The following LDB2 variants were observed in gnomAD, a reference collection of about 807,000 sequenced individuals.
LDB2 encodes LIM domain-binding protein 2.
In LDB2, 12 loss-of-function variants were observed where a neutral mutation model predicts 44.3. That is an observed-to-expected ratio of 0.27 (90% CI 0.17 to 0.44). The LOEUF (loss-of-function observed/expected upper bound fraction) is 0.44. LDB2 is among the 20% of genes least tolerant of loss of function. LDB2 has a pLI of 1.00. For missense variants in LDB2, 344 were observed against 473.5 expected (o/e 0.73, Z 2.54); for synonymous variants, 164 against 174.8 (o/e 0.94, Z 0.49).
At chr4:16,874,608 T>C (rs1221999945) in intron 1 of LDB2, among the ~76,000 whole-genome samples, 2 of 152,228 alleles carry the variant, frequency 1.3e-5, no homozygotes, top group African/African-American at 2.4e-5. Context: ...CAAGATTCGC[T>C]ACATTCCTGA....
intron 1 of LDB2, among the ~76,000 whole-genome samples, chr4:16,805,458 T>C (rs764186811): frequency 1.3e-5 from 2 of 152,164 alleles, no homozygotes; most frequent in African/African-American, 4.8e-5. Flanking sequence ...TTTAGAAATG[T>C]TGTCAAATGC....
intron 5 of LDB2, among the ~76,000 whole-genome samples, chr4:16,581,605 C>A (rs974720998): frequency 6.6e-6 from 1 of 152,134 alleles, no homozygotes; most frequent in African/African-American, 2.4e-5. Context: ...CTCACAGTGA[C>A]CCTCTCTTTG....
intron 5 of LDB2, among the ~76,000 whole-genome samples, chr4:16,571,862 T>C (rs1209636295): frequency 6.6e-6 from 1 of 152,236 alleles, no homozygotes; most frequent in Admixed American, 6.5e-5. Context: ...AAATTCATTA[T>C]CTAGATCAAG....
chr4:16,628,344 C>T (rs570662655), intron 2 of LDB2, among the ~76,000 whole-genome samples: 18 of 152,230 alleles, frequency 1.2e-4, no homozygotes, highest in African/African-American at 4.3e-4. Flanking sequence ...TTCCCAAAAC[C>T]CAAGATGTTG....
Position 16,586,021 on chromosome 4 carries a change from A to AC in LDB2, c.532-17dup. On this transcript the variant is annotated splice_polypyrimidine_tract_variant and intron_variant, in intron 4 of 7. Coordinates refer to ENST00000304523, the MANE Select transcript of LDB2 (RefSeq NM_001290.5). Reference sequence around the variant, plus strand: ...GATCTTGTGCCTAAATGGAAAAAAAACCCCACATGTATTTTATCACTACAG... The same window carrying AC: ...GATCTTGTGCCTAAATGGAAAAAAAACCCCCACATGTATTTTATCACTACAG... 6.2e-7 allele frequency: 1 copy of AC among 1,601,508 alleles called. No individual in the cohort carries two copies. Among genetic ancestry groups the AC allele is most frequent in the Non-Finnish European group, 8.6e-7 (1 of 1,168,764 alleles).
chr4:16,638,087 G>A (rs1049444114), intron 2 of LDB2, among the ~76,000 whole-genome samples: 2 of 152,200 alleles, frequency 1.3e-5, no homozygotes, highest in African/African-American at 4.8e-5. Context: ...ATGCTTACTA[G>A]AGTAGTCCCT....
At chr4:16,724,989 G>A (rs1387812565) in intron 2 of LDB2, among the ~76,000 whole-genome samples, 1 of 152,112 alleles carries the variant, frequency 6.6e-6, no homozygotes, top group Non-Finnish European at 1.5e-5. Flanking sequence ...GTCATTGGTA[G>A]AAACAGGAAA....
chr4:16,767,355 T>TTA (rs1769568301), intron 1 of LDB2, among the ~76,000 whole-genome samples: 1 of 152,136 alleles, frequency 6.6e-6, no homozygotes, highest in African/African-American at 2.4e-5. Context: ...AAAAGGAGGA[T>TTA]TATTTCTTGA....
chr4:16,515,601 A>G (rs376039398), intron 5 of LDB2, among the ~76,000 whole-genome samples: 4 of 152,220 alleles, frequency 2.6e-5, no homozygotes, highest in Non-Finnish European at 4.4e-5. Flanking sequence ...CACTGCATCT[A>G]TTATTAAGCA....
chr4:16,749,188 T>C (rs1433769957), intron 2 of LDB2, among the ~76,000 whole-genome samples: 3 of 152,040 alleles, frequency 2.0e-5, no homozygotes, highest in Admixed American at 6.6e-5. Flanking sequence ...TGTGGTGAAA[T>C]ACTCTAGCAA....
chr4:16,763,298 C>T (rs1414249409), intron 1 of LDB2, among the ~76,000 whole-genome samples: 3 of 152,104 alleles, frequency 2.0e-5, no homozygotes, highest in South Asian at 2.1e-4. Flanking sequence ...AAACTCAGCT[C>T]GGGAAATCAC....
intron 1 of LDB2, among the ~76,000 whole-genome samples, chr4:16,871,865 G>A (rs1190862103): frequency 2.0e-5 from 3 of 152,024 alleles, no homozygotes; most frequent in Admixed American, 6.5e-5. Flanking sequence ...CAGATGATCC[G>A]CCCACCTCGG....
rs11943700 is a variant in LDB2 at position 16,559,867 on chromosome 4, T to C, written c.615+26055A>G. ...AGAACAGAAATTATAACAAACTGTC[T>C]CTCAGACCACAATGCAATCAAACTA... On this transcript the variant is annotated intron_variant, in intron 5 of 7. Coordinates refer to ENST00000304523, the MANE Select transcript of LDB2 (RefSeq NM_001290.5). Among the ~76,000 whole-genome samples the C allele has an allele frequency of 3.4e-3, 517 of 152,266 alleles. 4 individuals carry two copies. Among genetic ancestry groups the C allele is most frequent in the African/African-American group, 0.012 (478 of 41,532 alleles).
chr4:16,723,106 C>A (rs1758665246), intron 2 of LDB2, among the ~76,000 whole-genome samples: 1 of 152,178 alleles, frequency 6.6e-6, no homozygotes, highest in Non-Finnish European at 1.5e-5. Flanking sequence ...GTAAGCTGCA[C>A]AGAAGGTAAG....
At chr4:16,767,754 C>T (rs543517704) in intron 1 of LDB2, among the ~76,000 whole-genome samples, 68 of 152,278 alleles carry the variant, frequency 4.5e-4, no homozygotes, top group Middle Eastern at 6.8e-3. Flanking sequence ...AAAATATCAT[C>T]AAAGCTTCTT....
At chr4:16,864,262 T>C (rs1713842542) in intron 1 of LDB2, among the ~76,000 whole-genome samples, 1 of 152,166 alleles carries the variant, frequency 6.6e-6, no homozygotes, top group East Asian at 1.9e-4. Context: ...AGATCTTCAT[T>C]CTAAAGATCC....
chr4:16,602,662 T>C (rs1323627922), intron 2 of LDB2, among the ~76,000 whole-genome samples: 3 of 152,116 alleles, frequency 2.0e-5, no homozygotes, highest in Non-Finnish European at 4.4e-5. Context: ...CCATGAAAAT[T>C]TTTGATCCTC....
intron 2 of LDB2, among the ~76,000 whole-genome samples, chr4:16,596,733 C>T (rs1054124521): frequency 6.6e-6 from 1 of 152,160 alleles, no homozygotes; most frequent in Admixed American, 6.5e-5. Flanking sequence ...TGGTCTCTTT[C>T]ATTCCATGTG....
At chr4:16,844,171 C>T (rs946337285) in intron 1 of LDB2, among the ~76,000 whole-genome samples, 41 of 140,042 alleles carry the variant, frequency 2.9e-4, no homozygotes, top group African/African-American at 7.7e-4. Flanking sequence ...GTGAGAGAAT[C>T]GCGTAAGCCT....
Sources: allele counts gnomAD v4.1 joint callset (sites outside exome capture counted in the v4.1 genomes callset), GRCh38; gene constraint gnomAD v4.1.1; transcripts MANE v1.5; gene names NCBI Gene and HGNC (gene_info 2026-07-23, HGNC 2026-07-21).